The following PTPRC variants were observed in gnomAD, a reference collection of about 807,000 sequenced individuals.
PTPRC encodes the protein protein tyrosine phosphatase receptor type C, also known as receptor-type tyrosine-protein phosphatase C.
A neutral mutation model predicts 155.9 loss-of-function variants in PTPRC; 44 were observed. That is an observed-to-expected ratio of 0.28 (90% CI 0.22 to 0.36). The LOEUF is 0.36. PTPRC is among the 10% of genes least tolerant of loss of function. PTPRC has a pLI of 1.00. For missense variants in PTPRC, 1,401 were observed against 1,564.6 expected, an observed-to-expected ratio of 0.90 and a Z score of 1.76; for synonymous variants, 525 against 533.1, an observed-to-expected ratio of 0.98 and a Z score of 0.21.
intron 2 of PTPRC, among the ~76,000 whole-genome samples, chr1:198,672,577 C>G (rs954221573): frequency 5.9e-5 from 9 of 152,132 alleles, no homozygotes; most frequent in African/African-American, 2.2e-4. Flanking sequence ...TCAAGCGACT[C>G]TCCTGTCTCA....
intron 17 of PTPRC, among the ~76,000 whole-genome samples, chr1:198,730,875 C>T (rs1225227891): frequency 6.6e-6 from 1 of 152,060 alleles, no homozygotes; most frequent in Non-Finnish European, 1.5e-5. Context: ...CTTTCTTTAT[C>T]TGATAAACTG....
chr1:198,742,102 G>A, intron 24 of PTPRC, 76 bp downstream of exon 24: 1 of 1,602,744 alleles, frequency 6.2e-7, no homozygotes, highest in South Asian at 1.1e-5. Context: ...GGCTGTTAGA[G>A]ACATCTTTCC....
intron 29 of PTPRC, among the ~76,000 whole-genome samples, chr1:198,751,810 C>A (rs1464576401): frequency 6.6e-6 from 1 of 152,042 alleles, no homozygotes; most frequent in Non-Finnish European, 1.5e-5. Context: ...ATGACAGAGA[C>A]AAAGCTCCAA....
chr1:198,682,494 G>A (rs956590930), intron 2 of PTPRC, among the ~76,000 whole-genome samples: 1 of 152,056 alleles, frequency 6.6e-6, no homozygotes, highest in Non-Finnish European at 1.5e-5. Context: ...ATTTAGAAAG[G>A]GTTGTGGTTG....
At chr1:198,647,733 T>G (rs1204639151) in intron 2 of PTPRC, among the ~76,000 whole-genome samples, 1 of 151,904 alleles carries the variant, frequency 6.6e-6, no homozygotes, top group Non-Finnish European at 1.5e-5. Flanking sequence ...TTTGAGTATT[T>G]CATTTGACTA....
chr1:198,687,443 A>C (rs1334506203), intron 2 of PTPRC, among the ~76,000 whole-genome samples: 1 of 152,184 alleles, frequency 6.6e-6, no homozygotes, highest in Non-Finnish European at 1.5e-5. Flanking sequence ...TTAAAATATG[A>C]TAGAGAATTA....
intron 2 of PTPRC, among the ~76,000 whole-genome samples, chr1:198,650,037 C>T (rs1663161802): frequency 6.6e-6 from 1 of 151,640 alleles, no homozygotes; most frequent in South Asian, 2.1e-4. Context: ...ATATGGGGAT[C>T]CATGTGAGGG....
At chr1:198,750,264 A>G in intron 28 of PTPRC, 1 of 540,438 alleles carries the variant, frequency 1.9e-6, no homozygotes, top group Non-Finnish European at 3.3e-6. Flanking sequence ...TTGTTTCGCA[A>G]GATATGTTGT....
chr1:198,728,284 C>A, intron 15 of PTPRC, 56 bp from the exon 16 acceptor site: 1 of 1,375,632 alleles, frequency 7.3e-7, no homozygotes, highest in Non-Finnish European at 1.0e-6. Context: ...ATTATTCAAC[C>A]AGTCTAGCAA....
chr1:198,752,482 T>C, intron 30 of PTPRC, 111 bp downstream of exon 30: 1 of 1,521,392 alleles, frequency 6.6e-7, no homozygotes, highest in South Asian at 1.2e-5. Flanking sequence ...TGTTTCAGAA[T>C]AACATTTTAA....
upstream of PTPRC, chr1:198,639,007 A>G: frequency 2.2e-6 from 1 of 457,552 alleles, no homozygotes; most frequent in Admixed American, 3.7e-5. Flanking sequence ...GGACCCTTAC[A>G]GTATTTTTGG....
intron 2 of PTPRC, among the ~76,000 whole-genome samples, chr1:198,684,171 T>C (rs982848559): frequency 1.3e-5 from 2 of 151,314 alleles, no homozygotes; most frequent in African/African-American, 4.9e-5. Flanking sequence ...GTGTAACTGA[T>C]TGTTCTTAAA....
At chr1:198,755,754 T>C in intron 32 of PTPRC, 152 bp from the exon 33 acceptor site, 1 of 846,686 alleles carries the variant, frequency 1.2e-6, no homozygotes, top group East Asian at 2.7e-5. Context: ...AACTAAATTA[T>C]TTAGATGTTT....
intron 2 of PTPRC, chr1:198,679,272 C>G (rs1485818508): frequency 6.7e-6 from 1 of 148,436 alleles, no homozygotes; most frequent in African/African-American, 2.5e-5. Context: ...CTCGCCTTGT[C>G]GCCAGGCTGG....
chr1:198,672,538 G>GGGCT (rs1188237209), intron 2 of PTPRC, among the ~76,000 whole-genome samples: 6 of 151,974 alleles, frequency 3.9e-5, no homozygotes, highest in African/African-American at 1.2e-4. Flanking sequence ...GGCGCCATCT[G>GGGCT]GGCTCCCTGC....
chr1:198,747,896 C>T (rs978433634), intron 26 of PTPRC, among the ~76,000 whole-genome samples: 4 of 151,776 alleles, frequency 2.6e-5, no homozygotes, highest in African/African-American at 4.8e-5. Flanking sequence ...ACATATATAT[C>T]TTTAGTGCAT....
rs556083279 is a variant in PTPRC at position 198,663,571 on chromosome 1, C to A, written c.73+24230C>A. On this transcript the variant is annotated intron_variant, in intron 2 of 32. Coordinates refer to ENST00000442510, the MANE Select transcript of PTPRC (RefSeq NM_002838.5). Reference sequence around the variant, plus strand: ...TGACCTGGACATTGGAGACCTGTAGCCACCTTCTGAATCCACAGCTGACCT... The same window carrying A: ...TGACCTGGACATTGGAGACCTGTAGACACCTTCTGAATCCACAGCTGACCT... Among the ~76,000 whole-genome samples, 10 of 152,296 alleles carry A rather than the reference C, an allele frequency of 6.6e-5. No homozygotes were observed. In the South Asian group the frequency reaches 2.1e-3, roughly 32 times the overall value.
chr1:198,674,992 A>G (rs1451154873), intron 2 of PTPRC, among the ~76,000 whole-genome samples: 3 of 151,958 alleles, frequency 2.0e-5, no homozygotes, highest in Admixed American at 6.6e-5. Context: ...TTTATTTCTT[A>G]TGCATCTTTA....
intron 13 of PTPRC, among the ~76,000 whole-genome samples, chr1:198,717,067 G>A (rs1653628670): frequency 1.3e-5 from 2 of 152,140 alleles, no homozygotes; most frequent in African/African-American, 4.8e-5. Flanking sequence ...AAGCATAAAA[G>A]CATCTTAATT....
Sources: gnomAD v4.1 joint callset for allele counts (sites outside exome capture counted in the v4.1 genomes callset) on GRCh38, gnomAD v4.1.1 for gene constraint, MANE v1.5 for transcripts, NCBI Gene and HGNC (gene_info 2026-07-23, HGNC 2026-07-21) for gene names.